Variants in TOX3 observed in about 807,000 individuals in gnomAD.
TOX3 encodes CAG trinucleotide repeat-containing gene F9 protein.
Under a neutral mutation model 64.3 loss-of-function variants are expected in TOX3, and 22 were observed. The observed-to-expected ratio is 0.34, with a 90% CI of 0.24 to 0.49. The LOEUF (loss-of-function observed/expected upper bound fraction) is 0.49, where lower values mean the gene tolerates loss of function less well. Ranked by LOEUF, TOX3 falls within the 20% of genes least tolerant of loss-of-function variation. TOX3 has a pLI of 0.99. For synonymous variants in TOX3, 291 were observed against 273.6 expected (o/e 1.06, Z -0.63); for missense variants, 661 against 714.4 (o/e 0.93, Z 0.85).
intron 1 of TOX3, among the ~76,000 whole-genome samples, chr16:52,501,693 CAGAG>C (rs1029674565): frequency 6.7e-6 from 1 of 148,946 alleles, no homozygotes. Context: ...AAAAAAAAAA[CAGAG>C]AGAGAATTAC....
At chr16:52,512,614 A>C (rs994276127) in intron 1 of TOX3, among the ~76,000 whole-genome samples, 1 of 152,206 alleles carries the variant, frequency 6.6e-6, no homozygotes, top group Non-Finnish European at 1.5e-5. Context: ...AGAATATTAG[A>C]TGAAGGAAGT....
intron 1 of TOX3, among the ~76,000 whole-genome samples, chr16:52,502,002 A>G (rs1052298037): frequency 6.6e-5 from 10 of 152,222 alleles, no homozygotes; most frequent in Admixed American, 4.6e-4. Flanking sequence ...TGCCTCCGCA[A>G]GTAAAACTTG....
chr16:52,479,774 G>T (rs1038472894), intron 1 of TOX3, among the ~76,000 whole-genome samples: 5 of 152,120 alleles, frequency 3.3e-5, no homozygotes, highest in African/African-American at 1.2e-4. Context: ...GTTTAGAAAG[G>T]GTTGTGACCT....
At chr16:52,500,873 C>A (rs1010602933) in intron 1 of TOX3, among the ~76,000 whole-genome samples, 5 of 152,130 alleles carry the variant, frequency 3.3e-5, no homozygotes, top group African/African-American at 1.2e-4. Flanking sequence ...TATTACCATG[C>A]CCATTTATAG....
chr16:52,519,736 G>T lies in TOX3; in HGVS notation c.87+26901C>A, dbSNP rs1962554964. Among the ~76,000 whole-genome samples the T allele has an allele frequency of 2.0e-5, 3 of 152,148 alleles. No homozygotes were observed. In the South Asian group the frequency reaches 6.2e-4, roughly 32 times the overall value. ...ACTTTGGGAGGCCAACACAGCAGGA[G>T]CTCTTGGGCCTGGGAGTTCAAGACC... On this transcript the variant is annotated intron_variant, in intron 1 of 6. Transcript: ENST00000219746.
At chr16:52,517,589 A>C (rs1962491946) in intron 1 of TOX3, among the ~76,000 whole-genome samples, 1 of 152,140 alleles carries the variant, frequency 6.6e-6, no homozygotes, top group African/African-American at 2.4e-5. Flanking sequence ...CAGAGTCATG[A>C]GAGCTCTGAA....
In TOX3 at chr16:52,464,901, A is replaced by T. The variant is rs564993316; in HGVS notation, c.154-713T>A. 9.2e-5 allele frequency among the ~76,000 whole-genome samples: 14 copies of T among 151,764 alleles called. No individual in the cohort carries two copies. The South Asian group carries it at 2.9e-3, about 32-fold the overall frequency. ...CTTCGACTTTTTAAAGATGATCTAG[A>T]GAGCATAGAGCTATATTGATATAGA... On this transcript the variant is annotated intron_variant, in intron 2 of 6. Coordinates refer to ENST00000219746, the MANE Select transcript of TOX3 (RefSeq NM_001080430.4).
intron 1 of TOX3, among the ~76,000 whole-genome samples, chr16:52,538,913 C>G (rs1214083759): frequency 6.6e-6 from 1 of 152,040 alleles, no homozygotes; most frequent in Non-Finnish European, 1.5e-5. Flanking sequence ...CTGTGAGAAG[C>G]TCATGCGGAC....
Position 52,546,771 on chromosome 16 carries a change from GCCGGGA to G in TOX3, c.-54_-49del. ...GGGGCCGGGACTGGGGTTCGCCGGG[GCCGGGA>G]CCCGCCTCCTCGCCGCCGCTAGATC... is the stretch of plus-strand genomic sequence containing the variant. On this transcript the variant is annotated 5_prime_UTR_variant, in exon 1 of 7. Coordinates refer to ENST00000219746, the MANE Select transcript of TOX3 (RefSeq NM_001080430.4). 1.4e-6 allele frequency: 2 copies of G among 1,436,744 alleles called. No individual in the cohort carries two copies. The highest frequency in any genetic ancestry group is 1.8e-6 in the Non-Finnish European group (2 of 1,095,706). 89.0% of individuals were successfully genotyped at this position (1,436,744 alleles called of 1,614,324 possible). A position where few individuals can be genotyped will look rare whatever the true frequency, so the allele number is the denominator to read the frequency against.
At chr16:52,511,235 T>C (rs1962300342) in intron 1 of TOX3, among the ~76,000 whole-genome samples, 1 of 152,160 alleles carries the variant, frequency 6.6e-6, no homozygotes, top group Non-Finnish European at 1.5e-5. Flanking sequence ...GACTCATGCC[T>C]GTAATCCCAG....
At chr16:52,519,961 ACT>A (rs1033489080) in intron 1 of TOX3, among the ~76,000 whole-genome samples, 2 of 127,718 alleles carry the variant, frequency 1.6e-5, no homozygotes, top group African/African-American at 7.0e-5. Context: ...ACAGAGCAAG[ACT>A]CTGTCTCAAA....
intron 3 of TOX3, among the ~76,000 whole-genome samples, chr16:52,452,097 T>C (rs1013098497): frequency 6.6e-6 from 1 of 152,020 alleles, no homozygotes; most frequent in African/African-American, 2.4e-5. Context: ...CTACCCAAGA[T>C]ACAGTACATA....
At chr16:52,541,894 T>A (rs1963083949) in intron 1 of TOX3, among the ~76,000 whole-genome samples, 1 of 152,192 alleles carries the variant, frequency 6.6e-6, no homozygotes, top group Non-Finnish European at 1.5e-5. Context: ...AACTGCAAGC[T>A]TCTCATGGGC....
rs1430030458 is a variant in TOX3 at position 52,546,980 on chromosome 16, T to C, written c.-257A>G. The C allele has an allele frequency of 2.1e-6, 2 of 974,032 alleles. No individual in the cohort carries two copies. Among genetic ancestry groups the C allele is most frequent in the Admixed American group, 1.3e-4 (2 of 15,464 alleles). The allele number at this position is 974,032 out of a possible 1,614,324, so 60.3% of individuals were successfully genotyped here. ...CCCCGCCGGGGCACCGAGGCAGCGC[T>C]GCGCGCGGGCCGGGCGCCGGGGGCG... is the stretch of plus-strand genomic sequence containing the variant. On this transcript the variant is annotated 5_prime_UTR_variant, in exon 1 of 7. Transcript: ENST00000219746.
chr16:52,516,282 G>A (rs780535697), intron 1 of TOX3, among the ~76,000 whole-genome samples: 11 of 151,988 alleles, frequency 7.2e-5, no homozygotes, highest in Non-Finnish European at 1.0e-4. Flanking sequence ...TTGTCCTATA[G>A]ATCTAACAAG....
chr16:52,494,948 G>C (rs1961800498), intron 1 of TOX3, among the ~76,000 whole-genome samples: 1 of 152,198 alleles, frequency 6.6e-6, no homozygotes, highest in Admixed American at 6.5e-5. Context: ...GTACCATACA[G>C]GTAGGGGAGA....
intron 1 of TOX3, among the ~76,000 whole-genome samples, chr16:52,529,033 G>T (rs1834228354): frequency 6.6e-6 from 1 of 152,186 alleles, no homozygotes; most frequent in South Asian, 2.1e-4. Context: ...CAGTCCAATG[G>T]ATCCCCAGTG....
At chr16:52,465,449 GT>G (rs1293313017) in intron 2 of TOX3, among the ~76,000 whole-genome samples, 13 of 142,418 alleles carry the variant, frequency 9.1e-5, no homozygotes, top group Non-Finnish European at 2.0e-4. Context: ...CAAGGTCTAG[GT>G]TTTTTTTTGT....
chr16:52,530,954 T>C (rs1208892601), intron 1 of TOX3, among the ~76,000 whole-genome samples: 1 of 152,196 alleles, frequency 6.6e-6, no homozygotes, highest in Non-Finnish European at 1.5e-5. Flanking sequence ...TCCACTGTTT[T>C]CAGTGTTTAA....
Sources: gnomAD v4.1 joint callset for allele counts (sites outside exome capture counted in the v4.1 genomes callset) on GRCh38, gnomAD v4.1.1 for gene constraint, MANE v1.5 for transcripts, NCBI Gene and HGNC (gene_info 2026-07-23, HGNC 2026-07-21) for gene names.